SDK1: variants seen among roughly 807,000 people sequenced by gnomAD.
SDK1 encodes sidekick cell adhesion molecule 1, also known as protein sidekick-1.
Under a neutral mutation model 245.5 loss-of-function variants are expected in SDK1, and 157 were observed. The observed-to-expected ratio is 0.64, with a 90% confidence interval of 0.56 to 0.73. The LOEUF (loss-of-function observed/expected upper bound fraction) is 0.73. Among genes scored for constraint, SDK1 ranks in the 30% least tolerant of loss-of-function variants. The probability of loss-of-function intolerance (pLI) is 0.00; values close to 1 mark genes in which losing one functional copy is unlikely to be tolerated. For synonymous variants in SDK1, 1,647 were observed against 1,278.5 expected (o/e 1.29, Z -6.15); for missense variants, 3,583 against 3,002.3 (o/e 1.19, Z -4.52).
chr7:3,343,929 C>T (rs755419604), intron 1 of SDK1, among the ~76,000 whole-genome samples: 1 of 150,266 alleles, frequency 6.7e-6, no homozygotes, highest in African/African-American at 2.5e-5. Flanking sequence ...AAACATATTA[C>T]GGACATATTA....
chr7:3,862,746 T>A (rs760732017), intron 5 of SDK1, among the ~76,000 whole-genome samples: 56 of 152,206 alleles, frequency 3.7e-4, no homozygotes, highest in Non-Finnish European at 7.3e-5. Context: ...AGTTCCATAC[T>A]TCAGTGTTCC....
intron 20 of SDK1, among the ~76,000 whole-genome samples, chr7:4,074,856 T>TTCTCTCTCTCTCTCTCTCTCTCTC (rs1159856321): frequency 2.8e-5 from 2 of 72,344 alleles, no homozygotes; most frequent in African/African-American, 1.9e-4. Context: ...GAGCAAGACT[T>TTCTCTCTCTCTCTCTCTCTCTCTC]TCTCTCTCTC....
At chr7:4,240,102 C>A (rs770818206) in intron 42 of SDK1, among the ~76,000 whole-genome samples, 1 of 152,142 alleles carries the variant, frequency 6.6e-6, no homozygotes, top group South Asian at 2.1e-4. Context: ...GAGGGATTTA[C>A]AGTGTATGAA....
chr7:4,240,364 T>G (rs1201465125), intron 42 of SDK1, among the ~76,000 whole-genome samples: 1 of 151,678 alleles, frequency 6.6e-6, no homozygotes, highest in Non-Finnish European at 1.5e-5. Context: ...AACTTAAACC[T>G]CTGTTGTGAT....
Position 3,933,550 on chromosome 7 carries a change from T to G in SDK1, c.848-17373T>G, listed in dbSNP as rs537419713. ...ACATTGAGTAGTCTGTCACTTGATG[T>G]TGGTTAGGATAGAACCCCTGCAAGA... is the stretch of plus-strand genomic sequence containing the variant. On this transcript the variant is annotated intron_variant, in intron 5 of 44. Transcript: ENST00000404826. Among the ~76,000 whole-genome samples, 10 of 152,336 alleles carry G rather than the reference T, an allele frequency of 6.6e-5. No individual in the cohort carries two copies. The East Asian group carries it at 1.9e-3, about 29-fold the overall frequency.
intron 34 of SDK1, 145 bp downstream of exon 34, chr7:4,175,979 A>T: frequency 6.0e-6 from 4 of 665,192 alleles, no homozygotes; most frequent in Non-Finnish European, 8.1e-6. Context: ...GTCTCCACAT[A>T]CCAAACCACC....
intron 17 of SDK1, among the ~76,000 whole-genome samples, chr7:4,021,028 G>C (rs1317812049): frequency 6.6e-6 from 1 of 152,200 alleles, no homozygotes; most frequent in Non-Finnish European, 1.5e-5. Context: ...CACTGGAAGA[G>C]ATCTGGGGGT....
At chr7:3,398,121 G>C (rs544389308) in intron 1 of SDK1, among the ~76,000 whole-genome samples, 10 of 152,142 alleles carry the variant, frequency 6.6e-5, no homozygotes, top group African/African-American at 2.4e-4. Flanking sequence ...TGTAACTGTA[G>C]GTTTTCTGTA....
At chr7:3,376,463 A>T (rs1489016224) in intron 1 of SDK1, among the ~76,000 whole-genome samples, 2 of 152,210 alleles carry the variant, frequency 1.3e-5, no homozygotes, top group Non-Finnish European at 2.9e-5. Context: ...AAGACTCTAT[A>T]AATGGGATGG....
At chr7:3,631,441 TA>T (rs1412999652) in intron 2 of SDK1, among the ~76,000 whole-genome samples, 1 of 152,238 alleles carries the variant, frequency 6.6e-6, no homozygotes, top group African/African-American at 2.4e-5. Flanking sequence ...TTCATTTTCC[TA>T]AACTTGGTTT....
chr7:3,501,434 C>G (rs142067731), intron 1 of SDK1, among the ~76,000 whole-genome samples: 202 of 151,554 alleles, frequency 1.3e-3, no homozygotes, highest in African/African-American at 4.7e-3. Flanking sequence ...TTCCGAGTGA[C>G]AGCCTAAGGG....
intron 4 of SDK1, among the ~76,000 whole-genome samples, chr7:3,774,995 A>G (rs1352620401): frequency 6.6e-6 from 1 of 152,154 alleles, no homozygotes; most frequent in Non-Finnish European, 1.5e-5. Context: ...GCAGTGCCCC[A>G]GGGAACTGTG....
intron 1 of SDK1, among the ~76,000 whole-genome samples, chr7:3,588,702 C>G (rs977521524): frequency 5.9e-5 from 9 of 152,190 alleles, no homozygotes; most frequent in African/African-American, 2.2e-4. Flanking sequence ...CAGGTTTTAT[C>G]AACATCTGTA....
rs578003478 is a variant in SDK1, at chr7:4,083,402, G to A, written c.3324+3818G>A. 2.2e-4 allele frequency among the ~76,000 whole-genome samples: 34 copies of A among 152,164 alleles called. 1 individual carries two copies. Among genetic ancestry groups the A allele is most frequent in the African/African-American group, 8.0e-4 (33 of 41,492 alleles). ...AGAAAACCCAGCCAGTCATCCCATGGGACATCTGCATTGGAGATGCACCTG... is the reference window on the plus strand; with the variant it reads ...AGAAAACCCAGCCAGTCATCCCATGAGACATCTGCATTGGAGATGCACCTG... On this transcript the variant is annotated intron_variant, in intron 22 of 44. Coordinates refer to ENST00000404826, the MANE Select transcript of SDK1 (RefSeq NM_152744.4).
intron 28 of SDK1, among the ~76,000 whole-genome samples, chr7:4,136,519 G>C (rs1308196155): frequency 6.6e-6 from 1 of 152,206 alleles, no homozygotes; most frequent in Non-Finnish European, 1.5e-5. Flanking sequence ...AACCACAGCA[G>C]GCACCTAGAG....
At position 3,728,714 on chromosome 7, in the gene SDK1, T is replaced by C. The variant is rs547792143; in HGVS notation, c.713+86609T>C. Among the ~76,000 whole-genome samples, 10 of 152,286 alleles carry C rather than the reference T, an allele frequency of 6.6e-5. No individual in the cohort carries two copies. The East Asian group carries it at 1.2e-3, about 18-fold the overall frequency. On this transcript the variant is annotated intron_variant, in intron 4 of 44. Transcript: ENST00000404826. ...TCCACCTCCTGGGCTCAAGCAGTTCTCCTGCCTCAGCCTCCCAAGTAGCTG... is the reference window on the plus strand; with the variant it reads ...TCCACCTCCTGGGCTCAAGCAGTTCCCCTGCCTCAGCCTCCCAAGTAGCTG...
chr7:3,403,933 A>G (rs1227750016), intron 1 of SDK1, among the ~76,000 whole-genome samples: 1 of 145,852 alleles, frequency 6.9e-6, no homozygotes, highest in Non-Finnish European at 1.5e-5. Flanking sequence ...TACCTTGGAG[A>G]TATTGCAGGT....
rs113154539 is a variant in SDK1 at position 4,233,172 on chromosome 7, G to A, written c.5828-83G>A. ...GCCTCATCCAGGGCTGCTGCAAGCC[G>A]ACCCACCAGGCAGGTGCATGGGGCT... On this transcript the variant is annotated intron_variant, in intron 40 of 44. Coordinates refer to ENST00000404826, the MANE Select transcript of SDK1 (RefSeq NM_152744.4). 7.2e-6 allele frequency: 10 copies of A among 1,389,692 alleles called. 1 individual carries two copies. The highest frequency in any genetic ancestry group is 4.6e-5 in the East Asian group (2 of 43,268). 86.1% of individuals were successfully genotyped at this position (1,389,692 alleles called of 1,614,324 possible). A position where few individuals can be genotyped will look rare whatever the true frequency, so the allele number is the denominator to read the frequency against.
In SDK1 at chr7:3,321,828, C is replaced by T. The variant is rs567984601; in HGVS notation, c.298+19944C>T. On this transcript the variant is annotated intron_variant, in intron 1 of 44. Coordinates refer to ENST00000404826, the MANE Select transcript of SDK1 (RefSeq NM_152744.4). ...TCCTTCCTTCCTTCCTTCCTTCCTT[C>T]CTCCTTTTCTCTCTCTCTCTCTCTC... Among the ~76,000 whole-genome samples the T allele has an allele frequency of 2.0e-3, 241 of 122,864 alleles. 6 individuals are homozygous for T. Among genetic ancestry groups the T allele is most frequent in the African/African-American group, 8.5e-3 (225 of 26,474 alleles). The allele number at this position is 122,864 out of a possible 152,430, so 80.6% of individuals were successfully genotyped here.
Sources: allele counts gnomAD v4.1 joint callset (sites outside exome capture counted in the v4.1 genomes callset), GRCh38; gene constraint gnomAD v4.1.1; transcripts MANE v1.5; gene names NCBI Gene and HGNC (gene_info 2026-07-23, HGNC 2026-07-21).